Variants in EVI5 observed in about 807,000 individuals in gnomAD.
EVI5 encodes ecotropic viral integration site 5, also known as ecotropic viral integration site 5 protein homolog.
In EVI5, 73 loss-of-function variants were observed where a neutral mutation model predicts 112.0. That is an observed-to-expected ratio of 0.65 (90% CI 0.54 to 0.79). EVI5 has a LOEUF of 0.79. EVI5 is among the 30% of genes least tolerant of loss of function. The probability of loss-of-function intolerance (pLI) is 0.00; values close to 1 mark genes in which losing one functional copy is unlikely to be tolerated. For missense variants in EVI5, 900 were observed against 968.8 expected (o/e 0.93, Z 0.94); for synonymous variants, 305 against 319.9 (o/e 0.95, Z 0.50).
chr1:92,622,152 A>T (rs1226608979), intron 16 of EVI5: 1 of 191,164 alleles, frequency 5.2e-6, no homozygotes, highest in Admixed American at 6.3e-5. Flanking sequence ...AAGAAATCTA[A>T]ATCTAAAATA....
intron 1 of EVI5, chr1:92,749,142 G>A (rs981543670): frequency 5.2e-6 from 1 of 192,222 alleles, no homozygotes; most frequent in Non-Finnish European, 1.0e-5. Flanking sequence ...ATAGGAGATA[G>A]GACAAATAAA....
chr1:92,526,350 T>G (rs1306127823), intron 19 of EVI5, among the ~76,000 whole-genome samples: 5 of 152,170 alleles, frequency 3.3e-5, no homozygotes, highest in African/African-American at 1.2e-4. Context: ...TAAGCCGCCG[T>G]GCCCAGCCAC....
chr1:92,529,804 G>A (rs1053898147), intron 19 of EVI5, among the ~76,000 whole-genome samples: 8 of 151,872 alleles, frequency 5.3e-5, no homozygotes, highest in Non-Finnish European at 8.8e-5. Context: ...TAAACTATTA[G>A]CATTTTTATA....
At chr1:92,694,258 C>G in intron 8 of EVI5, 41 bp downstream of exon 8, 1 of 1,228,124 alleles carries the variant, frequency 8.1e-7, no homozygotes, top group Non-Finnish European at 1.2e-6. Flanking sequence ...GAACTAAACT[C>G]TGTCTCAAAA....
At chr1:92,699,790 T>C (rs969698) in intron 5 of EVI5, among the ~76,000 whole-genome samples, 13,096 of 151,984 alleles carry the variant, frequency 0.086, 1,597 homozygotes, top group African/African-American at 0.27. Flanking sequence ...GGTATTATAA[T>C]CTTATGGGCG....
At chr1:92,692,682 T>A (rs927382194) in intron 9 of EVI5, among the ~76,000 whole-genome samples, 1 of 152,206 alleles carries the variant, frequency 6.6e-6, no homozygotes. Flanking sequence ...CACATCATTG[T>A]GCATGGAAAA....
chr1:92,703,290 GCAA>G (rs1671479580), intron 4 of EVI5, 102 bp downstream of exon 4: 1 of 685,258 alleles, frequency 1.5e-6, no homozygotes, highest in Non-Finnish European at 2.4e-6. Flanking sequence ...CACTGCCAAA[GCAA>G]CTGATTATTG....
At chr1:92,542,019 AAAGT>A (rs1664892571) in intron 19 of EVI5, among the ~76,000 whole-genome samples, 1 of 152,216 alleles carries the variant, frequency 6.6e-6, no homozygotes, top group Non-Finnish European at 1.5e-5. Context: ...GCAATTTCTT[AAAGT>A]AAGACAACAA....
At chr1:92,673,087 C>T (rs983925907) in intron 10 of EVI5, among the ~76,000 whole-genome samples, 1 of 151,768 alleles carries the variant, frequency 6.6e-6, no homozygotes, top group African/African-American at 2.4e-5. Context: ...TGTAAGTGAC[C>T]CATCATATAT....
chr1:92,601,169 A>G (rs1358039667), intron 18 of EVI5, among the ~76,000 whole-genome samples: 2 of 152,108 alleles, frequency 1.3e-5, no homozygotes, highest in Non-Finnish European at 2.9e-5. Context: ...ATGATAATAT[A>G]CCCCTACTAT....
At chr1:92,519,881 G>GT (rs1453244841) in intron 19 of EVI5, among the ~76,000 whole-genome samples, 1 of 140,420 alleles carries the variant, frequency 7.1e-6, no homozygotes, top group Admixed American at 7.4e-5. Context: ...GGGCAACAGA[G>GT]TAAGACTCTG....
intron 18 of EVI5, among the ~76,000 whole-genome samples, chr1:92,603,250 T>G (rs539460878): frequency 1.1e-4 from 16 of 152,170 alleles, no homozygotes; most frequent in Non-Finnish European, 2.4e-4. Context: ...GCATTGCTGG[T>G]AGAAATGTAA....
chr1:92,770,758 C>A (rs909521039), intron 1 of EVI5, among the ~76,000 whole-genome samples: 1 of 151,762 alleles, frequency 6.6e-6, no homozygotes, highest in African/African-American at 2.4e-5. Context: ...CCACTGAACT[C>A]CAGCCTGGGC....
chr1:92,652,719 G>A (rs1278537372), intron 13 of EVI5, among the ~76,000 whole-genome samples: 2 of 152,174 alleles, frequency 1.3e-5, no homozygotes, highest in Non-Finnish European at 2.9e-5. Flanking sequence ...GAGAGGGTTC[G>A]AGATGAATGA....
At chr1:92,686,128 C>T (rs1668495545) in intron 9 of EVI5, among the ~76,000 whole-genome samples, 1 of 152,186 alleles carries the variant, frequency 6.6e-6, no homozygotes. Flanking sequence ...CCCCGATGAA[C>T]ACTGATGTGA....
At chr1:92,707,781 A>G (rs1005440266) in intron 2 of EVI5, among the ~76,000 whole-genome samples, 1 of 152,238 alleles carries the variant, frequency 6.6e-6, no homozygotes, top group African/African-American at 2.4e-5. Flanking sequence ...AAATGAAAAC[A>G]TATGTACAAA....
At chr1:92,721,442 C>G (rs1674739979) in intron 2 of EVI5, among the ~76,000 whole-genome samples, 1 of 152,192 alleles carries the variant, frequency 6.6e-6, no homozygotes, top group South Asian at 2.1e-4. Context: ...AAACCAAACA[C>G]TGTATGTTCT....
At chr1:92,779,204 T>G (rs1199750163) in intron 1 of EVI5, among the ~76,000 whole-genome samples, 1 of 151,998 alleles carries the variant, frequency 6.6e-6, no homozygotes, top group African/African-American at 2.4e-5. Flanking sequence ...GGAAAAAAAG[T>G]AACTTGGAAG....
intron 19 of EVI5, among the ~76,000 whole-genome samples, chr1:92,539,251 T>A (rs1053406696): frequency 2.6e-5 from 4 of 151,854 alleles, no homozygotes; most frequent in Non-Finnish European, 5.9e-5. Context: ...TCTGAAAAAA[T>A]CTTGAACCCG....
Sources: allele counts gnomAD v4.1 joint callset (sites outside exome capture counted in the v4.1 genomes callset), GRCh38; gene constraint gnomAD v4.1.1; transcripts MANE v1.5; gene names NCBI Gene and HGNC (gene_info 2026-07-23, HGNC 2026-07-21).